C1orf74: variants seen among roughly 807,000 people sequenced by gnomAD.
C1orf74 encodes the protein UPF0739 protein C1orf74.
A neutral mutation model predicts 7.3 loss-of-function variants in C1orf74; 5 were observed. That is an observed-to-expected ratio of 0.68 (90% CI 0.36 to 1.44). The LOEUF (loss-of-function observed/expected upper bound fraction) is 1.44. Ranked by LOEUF, C1orf74 falls within the 40% of genes most tolerant of loss-of-function variation. C1orf74 has a pLI of 0.04. For missense variants in C1orf74, 291 were observed against 314.3 expected, an observed-to-expected ratio of 0.93 and a Z score of 0.56; for synonymous variants, 121 against 132.5, an observed-to-expected ratio of 0.91 and a Z score of 0.59.
At position 209,782,678 on chromosome 1, in the gene C1orf74, C is replaced by T. The variant is rs916850696; in HGVS notation, c.*147G>A. ...GCACCACCATTACCTATTTACATGC[C>T]CTTTGCATTTGTGGCCAACTGATCT... On this transcript the variant is annotated 3_prime_UTR_variant, in exon 2 of 2. Coordinates refer to ENST00000294811, the MANE Select transcript of C1orf74 (RefSeq NM_152485.4). The T allele has an allele frequency of 2.5e-6, 2 of 809,924 alleles. No individual in the cohort carries two copies. The highest frequency in any genetic ancestry group is 3.4e-5 in the African/African-American group (2 of 58,330). The allele number at this position is 809,924 out of a possible 1,614,324, so 50.2% of individuals were successfully genotyped here. A position where few individuals can be genotyped will look rare whatever the true frequency, so the allele number is the denominator to read the frequency against.
Position 209,783,425 on chromosome 1 carries a change from C to T in C1orf74, c.210G>A (p.Leu70=). Reference sequence around the variant, plus strand: ...GGAAGCCAAGCCCCTTCAGCTCCTCCAGATAGCTCTGGAGCTCTGATGCCC... The same window carrying T: ...GGAAGCCAAGCCCCTTCAGCTCCTCTAGATAGCTCTGGAGCTCTGATGCCC... ...CAGASELQSY[L]EELKGLGFLT... Residue 70 remains leucine (L), a synonymous_variant, in exon 2 of 2, where the codon CTG becomes CTA. Transcript: ENST00000294811. The T allele has an allele frequency of 6.2e-7, 1 of 1,614,168 alleles. No homozygotes were observed. The highest frequency in any genetic ancestry group is 8.5e-7 in the Non-Finnish European group (1 of 1,180,026).
chr1:209,781,261 G>A lies in C1orf74; in HGVS notation c.*1564C>T. On this transcript the variant is annotated 3_prime_UTR_variant, in exon 2 of 2. Coordinates refer to ENST00000294811, the MANE Select transcript of C1orf74 (RefSeq NM_152485.4). ...ATGGTGGTAAAAATTCCAAATGAGT[G>A]AAACTTACAAAGGGCAGTCTCCCCT... is the stretch of plus-strand genomic sequence containing the variant. 1 of 868,814 alleles carries A rather than the reference G, an allele frequency of 1.2e-6. No individual in the cohort carries two copies. Among genetic ancestry groups the A allele is most frequent in the South Asian group, 1.6e-5 (1 of 64,248 alleles). The allele number at this position is 868,814 out of a possible 1,614,324, so 53.8% of individuals were successfully genotyped here.
rs542021007 is a variant in C1orf74 at position 209,782,719 on chromosome 1, A to T, written c.*106T>A. On this transcript the variant is annotated 3_prime_UTR_variant, in exon 2 of 2. Coordinates refer to ENST00000294811, the MANE Select transcript of C1orf74 (RefSeq NM_152485.4). ...CAACTGATCTACAGCATTGTGCCTTAGTGTATTCAAGACACTTGGAATTGG... is the reference window on the plus strand; with the variant it reads ...CAACTGATCTACAGCATTGTGCCTTTGTGTATTCAAGACACTTGGAATTGG... 2 of 1,146,896 alleles carry T rather than the reference A, an allele frequency of 1.7e-6. No individual in the cohort carries two copies. The highest frequency in any genetic ancestry group is 2.5e-6 in the Non-Finnish European group (2 of 798,358). The allele number at this position is 1,146,896 out of a possible 1,614,324, so 71.0% of individuals were successfully genotyped here.
rs1298525066 is a variant in C1orf74 at position 209,781,937 on chromosome 1, T to G, written c.*888A>C. The G allele has an allele frequency of 2.6e-6, 2 of 758,564 alleles. No homozygotes were observed. Among genetic ancestry groups the G allele is most frequent in the Non-Finnish European group, 4.4e-6 (2 of 454,200 alleles). The allele number at this position is 758,564 out of a possible 1,614,324, so 47.0% of individuals were successfully genotyped here. A position where few individuals can be genotyped will look rare whatever the true frequency, so the allele number is the denominator to read the frequency against. On this transcript the variant is annotated 3_prime_UTR_variant, in exon 2 of 2. Transcript: ENST00000294811. ...AATGGGAGACAGAGTAAAAAGCTTT[T>G]TCTCCACCACCAACCCAGCGTTTTC...
chr1:209,779,240 TA>T lies in C1orf74; in HGVS notation c.*3584del. 8.0e-7 allele frequency: 1 copy of T among 1,253,390 alleles called. No individual in the cohort carries two copies. The highest frequency in any genetic ancestry group is 1.1e-6 in the Non-Finnish European group (1 of 870,178). 77.6% of individuals were successfully genotyped at this position (1,253,390 alleles called of 1,614,324 possible). ...GGAACATATTTAATAACCAAGGTTC[TA>T]AGCAAAGTTCTGAAAAGAAAACTTT... On this transcript the variant is annotated 3_prime_UTR_variant, in exon 2 of 2. Coordinates refer to ENST00000294811, the MANE Select transcript of C1orf74 (RefSeq NM_152485.4).
rs2077727444 is a variant in C1orf74, at chr1:209,779,352, G to C, written c.*3473C>G. 2 of 1,613,980 alleles carry C rather than the reference G, an allele frequency of 1.2e-6. No homozygotes were observed. The highest frequency in any genetic ancestry group is 1.1e-5 in the South Asian group (1 of 91,086). ...ATCAATCCTTACAGCTTCAAGAACA[G>C]GAGAAACTCTTAACAAAGAAAGGTC... On this transcript the variant is annotated 3_prime_UTR_variant, in exon 2 of 2. Transcript: ENST00000294811.
rs759256932 is a variant in C1orf74, at chr1:209,779,300, T to G, written c.*3525A>C. The G allele has an allele frequency of 3.7e-6, 6 of 1,613,368 alleles. No individual in the cohort carries two copies. The South Asian group carries it at 6.6e-5, about 18-fold the overall frequency. The stretch of plus-strand genomic sequence containing the variant: ...AATATGCTAGCATAGACAAGTTCCT[T>G]GTGTTTTCCAACAGGTTTGCTTCAA... On this transcript the variant is annotated 3_prime_UTR_variant, in exon 2 of 2. Coordinates refer to ENST00000294811, the MANE Select transcript of C1orf74 (RefSeq NM_152485.4).
Position 209,783,268 on chromosome 1 carries a change from G to A in C1orf74, c.367C>T (p.His123Tyr). 6.2e-7 allele frequency: 1 copy of A among 1,614,226 alleles called. No individual in the cohort carries two copies. The highest frequency in any genetic ancestry group is 2.2e-5 in the East Asian group (1 of 44,878). Residue 123 changes from histidine (H) to tyrosine (Y), a missense_variant, in exon 2 of 2, where the codon CAC becomes TAC. His to Tyr is a moderately conservative substitution (Grantham distance 83). Coordinates refer to ENST00000294811, the MANE Select transcript of C1orf74 (RefSeq NM_152485.4). ...AFVDVSSCQR[H>Y]PSVCSLDQLQ... ...TGGTCCAGGGAGCAGACAGAAGGGTGACGCTGGCAGCTGGAAACATCCACA... is the reference window on the plus strand; with the variant it reads ...TGGTCCAGGGAGCAGACAGAAGGGTAACGCTGGCAGCTGGAAACATCCACA...
Position 209,784,452 on chromosome 1 carries a change from C to T in C1orf74, c.-150G>A, listed in dbSNP as rs939836773. On this transcript the variant is annotated 5_prime_UTR_variant, in exon 1 of 2. Transcript: ENST00000294811. ...GGCTTCCTGCCTGCTGCCAGAAAGGCAGCTAGTCCCCCACGCCCAGCCGCA... is the reference window on the plus strand; with the variant it reads ...GGCTTCCTGCCTGCTGCCAGAAAGGTAGCTAGTCCCCCACGCCCAGCCGCA... 1 of 152,290 alleles carries T rather than the reference C, an allele frequency of 6.6e-6. No homozygotes were observed. Among genetic ancestry groups the T allele is most frequent in the African/African-American group, 2.4e-5 (1 of 41,482 alleles). 9.4% of individuals were successfully genotyped at this position (152,290 alleles called of 1,614,324 possible).
Position 209,779,395 on chromosome 1 carries a change from A to G in C1orf74, c.*3430T>C, listed in dbSNP as rs1424132327. On this transcript the variant is annotated 3_prime_UTR_variant, in exon 2 of 2. Transcript: ENST00000294811. ...GAAAGGTCAGCAAATTTATTACCACAAATTCTAAGATATTGCTCTTCTCTT... is the reference window on the plus strand; with the variant it reads ...GAAAGGTCAGCAAATTTATTACCACGAATTCTAAGATATTGCTCTTCTCTT... 6.2e-7 allele frequency: 1 copy of G among 1,604,170 alleles called. No homozygotes were observed. Among genetic ancestry groups the G allele is most frequent in the South Asian group, 1.1e-5 (1 of 90,870 alleles).
rs2077801912 is a variant in C1orf74 at position 209,782,518 on chromosome 1, G to A, written c.*307C>T. 8.3e-6 allele frequency: 4 copies of A among 481,068 alleles called. No individual in the cohort carries two copies. Among genetic ancestry groups the A allele is most frequent in the Admixed American group, 7.3e-5 (2 of 27,558 alleles). The allele number at this position is 481,068 out of a possible 1,614,324, so 29.8% of individuals were successfully genotyped here. ...GTTACCATGCAAGAGTGTTTGGCTTGTCTTCCATCACCCTGCTTTTCCTCT... is the reference window on the plus strand; with the variant it reads ...GTTACCATGCAAGAGTGTTTGGCTTATCTTCCATCACCCTGCTTTTCCTCT... On this transcript the variant is annotated 3_prime_UTR_variant, in exon 2 of 2. Transcript: ENST00000294811.
Position 209,782,443 on chromosome 1 carries a change from CCCTA to C in C1orf74, c.*378_*381del, listed in dbSNP as rs1404550799. 1 of 466,484 alleles carries C rather than the reference CCCTA, an allele frequency of 2.1e-6. No homozygotes were observed. The highest frequency in any genetic ancestry group is 3.9e-6 in the Non-Finnish European group (1 of 257,694). The allele number at this position is 466,484 out of a possible 1,614,324, so 28.9% of individuals were successfully genotyped here. ...TATAAACATGCAGAAAAGCCCCCAG[CCCTA>C]CTTTCCTAGCATGCAGCACCCACAT... is the stretch of plus-strand genomic sequence containing the variant. On this transcript the variant is annotated 3_prime_UTR_variant, in exon 2 of 2. Coordinates refer to ENST00000294811, the MANE Select transcript of C1orf74 (RefSeq NM_152485.4).
chr1:209,782,917 T>C lies in C1orf74; in HGVS notation c.718A>G (p.Lys240Glu). The change falls in exon 2 of 2, where the codon AAG (lysine) becomes GAG (glutamate). Residue 240 changes from lysine to glutamate, a missense_variant. Physicochemically the swap from Lys to Glu is moderately conservative, Grantham distance 56 (BLOSUM62 1). Transcript: ENST00000294811. ...GTCCTAAATCGGGTTCTGAGGTCCTTCTCCCAGGTGTTTAGAATGTCCCTC... is the reference window on the plus strand; with the variant it reads ...GTCCTAAATCGGGTTCTGAGGTCCTCCTCCCAGGTGTTTAGAATGTCCCTC... ...GLRDILNTWEKDLRTRFRTQN... is the reference protein window; with the variant it reads ...GLRDILNTWEEDLRTRFRTQN... 6.2e-7 allele frequency: 1 copy of C among 1,614,128 alleles called. No individual in the cohort carries two copies. The highest frequency in any genetic ancestry group is 8.5e-7 in the Non-Finnish European group (1 of 1,180,020).
Position 209,782,567 on chromosome 1 carries a change from T to C in C1orf74, c.*258A>G. 7.5e-6 allele frequency: 4 copies of C among 534,960 alleles called. No individual in the cohort carries two copies. The South Asian group carries it at 9.1e-5, about 12-fold the overall frequency. The allele number at this position is 534,960 out of a possible 1,614,324, so 33.1% of individuals were successfully genotyped here. A position where few individuals can be genotyped will look rare whatever the true frequency, so the allele number is the denominator to read the frequency against. The stretch of plus-strand genomic sequence containing the variant: ...CTATCATCTCCTTCCTTCTATCTTT[T>C]ATCCAGTGAAAATGAAAACATCTCC... On this transcript the variant is annotated 3_prime_UTR_variant, in exon 2 of 2. Coordinates refer to ENST00000294811, the MANE Select transcript of C1orf74 (RefSeq NM_152485.4).
rs2077801439 is a variant in C1orf74, at chr1:209,782,479, G to C, written c.*346C>G. The C allele has an allele frequency of 6.4e-6, 3 of 466,232 alleles. No homozygotes were observed. The highest frequency in any genetic ancestry group is 1.2e-5 in the Non-Finnish European group (3 of 257,526). 28.9% of individuals were successfully genotyped at this position (466,232 alleles called of 1,614,324 possible). On this transcript the variant is annotated 3_prime_UTR_variant, in exon 2 of 2. Coordinates refer to ENST00000294811, the MANE Select transcript of C1orf74 (RefSeq NM_152485.4). ...TAGCATGCAGCACCCACATAGAGCAGGTATATTTACAAGGTTACCATGCAA... is the reference window on the plus strand; with the variant it reads ...TAGCATGCAGCACCCACATAGAGCACGTATATTTACAAGGTTACCATGCAA...
At chr1:209,784,093 A>C (rs988270907) in intron 1 of C1orf74, among the ~76,000 whole-genome samples, 5 of 152,154 alleles carry the variant, frequency 3.3e-5, no homozygotes, top group African/African-American at 1.2e-4. Context: ...CTTTCCACTG[A>C]CAACTCCCCT....
rs142724509 is a variant in C1orf74, at chr1:209,783,218, C to T, written c.417G>A (p.Val139=). 5 of 1,614,080 alleles carry T rather than the reference C, an allele frequency of 3.1e-6. No homozygotes were observed. The highest frequency in any genetic ancestry group is 4.5e-5 in the East Asian group (2 of 44,870). Residue 139 remains valine, a synonymous_variant, in exon 2 of 2, where the codon GTG becomes GTA. Transcript: ENST00000294811. ...CCTGCAAATGTGTGATGATCTCAGC[C>T]ACGAGGGCCTTCAAGTCCTGAAGCT... ...LDQLQDLKAL[V]AEIITHLQGL...
At position 209,779,986 on chromosome 1, in the gene C1orf74, T is replaced by TA. The variant is rs2077741965; in HGVS notation, c.*2838dup. 1 of 161,178 alleles carries TA rather than the reference T, an allele frequency of 6.2e-6. No individual in the cohort carries two copies. The highest frequency in any genetic ancestry group is 1.4e-5 in the Non-Finnish European group (1 of 73,928). The allele number at this position is 161,178 out of a possible 1,614,324, so 10.0% of individuals were successfully genotyped here. The stretch of plus-strand genomic sequence containing the variant: ...ACAACAATCCAAAACTTCTGACTCC[T>TA]AGTCCATGCTCTTTTCACCAAGACT... On this transcript the variant is annotated 3_prime_UTR_variant, in exon 2 of 2. Coordinates refer to ENST00000294811, the MANE Select transcript of C1orf74 (RefSeq NM_152485.4).
rs368366382 is a variant in C1orf74 at position 209,782,972 on chromosome 1, A to G, written c.663T>C (p.Phe221=). ...LGQPPILLYS[F]SVPESLFPGL... Reference sequence around the variant, plus strand: ...CTGGGAACAAACTCTCTGGGACACTAAAAGAATAGAGCAGGATTGGGGGTT... The same window carrying G: ...CTGGGAACAAACTCTCTGGGACACTGAAAGAATAGAGCAGGATTGGGGGTT... Residue 221 remains phenylalanine (F), a synonymous_variant, in exon 2 of 2, where the codon TTT becomes TTC. Coordinates refer to ENST00000294811, the MANE Select transcript of C1orf74 (RefSeq NM_152485.4). 4 of 1,614,066 alleles carry G rather than the reference A, an allele frequency of 2.5e-6. No homozygotes were observed. In the African/African-American group the frequency reaches 4.0e-5, roughly 16 times the overall value.
Sources: gnomAD v4.1 joint callset for allele counts (sites outside exome capture counted in the v4.1 genomes callset) on GRCh38, gnomAD v4.1.1 for gene constraint, MANE v1.5 for transcripts, NCBI Gene and HGNC (gene_info 2026-07-23, HGNC 2026-07-21) for gene names.